TLN2: variants seen among roughly 807,000 people sequenced by gnomAD.
TLN2 encodes the protein talin-2.
TLN2 carries 118 observed loss-of-function variants against 294.7 expected under a neutral mutation model. That is an observed-to-expected ratio of 0.40 (90% confidence interval 0.34 to 0.47). The LOEUF (loss-of-function observed/expected upper bound fraction) is 0.47, where lower values mean the gene tolerates loss of function less well. TLN2 is among the 20% of genes least tolerant of loss of function. The probability of loss-of-function intolerance (pLI) is 0.84; values close to 1 mark genes in which losing one functional copy is unlikely to be tolerated. For synonymous variants in TLN2, 1,431 were observed against 1,304.5 expected (o/e 1.10, Z -2.09); for missense variants, 3,083 against 3,282.2 (o/e 0.94, Z 1.48).
In TLN2 at chr15:62,530,584, G is replaced by A. The variant is rs371659425; in HGVS notation, c.-237-59103G>A. On this transcript the variant is annotated intron_variant, in intron 1 of 58. Coordinates refer to ENST00000636159, the MANE Select transcript of TLN2 (RefSeq NM_015059.3). ...GTTGGCCAGGCTGGTCTCGAACTCC[G>A]GAGCTCATGATCTGCCTGCCTTGGC... Among the ~76,000 whole-genome samples the A allele has an allele frequency of 3.4e-4, 51 of 152,180 alleles. No individual in the cohort carries two copies. In the South Asian group the frequency reaches 1.0e-2, roughly 30 times the overall value.
chr15:62,789,010 T>C (rs2064894771), intron 45 of TLN2, among the ~76,000 whole-genome samples: 1 of 152,210 alleles, frequency 6.6e-6, no homozygotes, highest in South Asian at 2.1e-4. Context: ...TCCTTTCTGC[T>C]GCCCAAAGGG....
At chr15:62,479,827 G>A (rs563523271) in intron 1 of TLN2, among the ~76,000 whole-genome samples, 2 of 152,352 alleles carry the variant, frequency 1.3e-5, no homozygotes, top group East Asian at 3.9e-4. Context: ...GGCAGGGACT[G>A]TGCTTCATCC....
At chr15:62,662,863 G>A (rs1233894740) in intron 9 of TLN2, among the ~76,000 whole-genome samples, 9 of 91,602 alleles carry the variant, frequency 9.8e-5, no homozygotes, top group Admixed American at 5.1e-4. Flanking sequence ...TTGCTCTGTC[G>A]CCCAGGCTGG....
Position 62,718,531 on chromosome 15 carries a change from G to A in TLN2, c.2877+842G>A, listed in dbSNP as rs568902477. ...AGAAATGGCCTTTGCTTCTGATGGAGCCCTGTATTCCTGAATCTGGATTCT... is the reference window on the plus strand; with the variant it reads ...AGAAATGGCCTTTGCTTCTGATGGAACCCTGTATTCCTGAATCTGGATTCT... On this transcript the variant is annotated intron_variant, in intron 24 of 58. Transcript: ENST00000636159. Among the ~76,000 whole-genome samples, 3 of 152,310 alleles carry A rather than the reference G, an allele frequency of 2.0e-5. No homozygotes were observed. The East Asian group carries it at 5.8e-4, about 29-fold the overall frequency.
chr15:62,411,160 A>C (rs1375494320), intron 1 of TLN2, among the ~76,000 whole-genome samples: 1 of 152,196 alleles, frequency 6.6e-6, no homozygotes, highest in African/African-American at 2.4e-5. Context: ...CGAGGCATTA[A>C]AACAAACCAA....
Position 62,545,505 on chromosome 15 carries a change from T to C in TLN2, c.-237-44182T>C, listed in dbSNP as rs1014647137. On this transcript the variant is annotated intron_variant, in intron 1 of 58. Transcript: ENST00000636159. The stretch of plus-strand genomic sequence containing the variant: ...AGTGTCTCTTGAATCCAACTCTCTT[T>C]CTTTCTCTTTGTGTGTGTGTGTGTG... Among the ~76,000 whole-genome samples, 6 of 149,988 alleles carry C rather than the reference T, an allele frequency of 4.0e-5. No individual in the cohort carries two copies. The East Asian group carries it at 1.2e-3, about 29-fold the overall frequency.
chr15:62,749,011 C>G (rs1295654109), intron 33 of TLN2, among the ~76,000 whole-genome samples: 1 of 152,230 alleles, frequency 6.6e-6, no homozygotes, highest in Non-Finnish European at 1.5e-5. Context: ...CTCATTTATA[C>G]TTGAAAAGTT....
intron 1 of TLN2, among the ~76,000 whole-genome samples, chr15:62,452,604 C>T (rs531548634): frequency 3.0e-4 from 45 of 152,230 alleles, no homozygotes; most frequent in African/African-American, 1.1e-3. Context: ...GCTTATCCTC[C>T]TTCCCTCCAG....
At chr15:62,523,197 G>A (rs1382977430) in intron 1 of TLN2, among the ~76,000 whole-genome samples, 1 of 152,152 alleles carries the variant, frequency 6.6e-6, no homozygotes, top group Non-Finnish European at 1.5e-5. Context: ...CAGCAACAAG[G>A]GGAGATAAAT....
At chr15:62,470,309 G>C (rs2037395366) in intron 1 of TLN2, among the ~76,000 whole-genome samples, 1 of 152,228 alleles carries the variant, frequency 6.6e-6, no homozygotes, top group Non-Finnish European at 1.5e-5. Flanking sequence ...ACCGACCCGG[G>C]CTCCTCAGCC....
intron 4 of TLN2, 54 bp from the exon 5 acceptor site, chr15:62,650,030 G>A (rs1237342646): frequency 6.3e-7 from 1 of 1,579,268 alleles, no homozygotes; most frequent in Non-Finnish European, 8.7e-7. Context: ...CTGGAAGTCA[G>A]TGATGGCTTC....
At chr15:62,447,848 C>G (rs191258882) in intron 1 of TLN2, among the ~76,000 whole-genome samples, 214 of 152,318 alleles carry the variant, frequency 1.4e-3, no homozygotes, top group Non-Finnish European at 4.0e-4. Context: ...CCCACTCACT[C>G]TTGTGCATTT....
intron 1 of TLN2, among the ~76,000 whole-genome samples, chr15:62,580,055 C>T (rs2140683001): frequency 6.6e-6 from 1 of 152,340 alleles, no homozygotes. Context: ...TGTCACTCTA[C>T]ACCTCTCCCA....
chr15:62,399,574 G>A (rs757275399), intron 1 of TLN2, among the ~76,000 whole-genome samples: 3 of 152,248 alleles, frequency 2.0e-5, no homozygotes, highest in South Asian at 4.1e-4. Context: ...CCACAGGGGC[G>A]AAGCTGTCCA....
At chr15:62,555,620 T>C (rs2042560534) in intron 1 of TLN2, among the ~76,000 whole-genome samples, 1 of 152,248 alleles carries the variant, frequency 6.6e-6, no homozygotes, top group Non-Finnish European at 1.5e-5. Flanking sequence ...TCTGGTAGTT[T>C]TAAAAATATT....
At position 62,591,742 on chromosome 15, in the gene TLN2, T is replaced by C. The variant is rs147522960; in HGVS notation, c.-162+1980T>C. ...GAATACTGGACTCCAAGGAGACCAG[T>C]GCATACCTTGGGTGTGAGGAGCTCC... On this transcript the variant is annotated intron_variant, in intron 2 of 58. Coordinates refer to ENST00000636159, the MANE Select transcript of TLN2 (RefSeq NM_015059.3). 5.3e-5 allele frequency among the ~76,000 whole-genome samples: 8 copies of C among 152,156 alleles called. No individual in the cohort carries two copies. In the East Asian group the frequency reaches 1.5e-3, roughly 29 times the overall value.
chr15:62,589,192 G>T (rs752901646), intron 1 of TLN2, among the ~76,000 whole-genome samples: 18 of 152,118 alleles, frequency 1.2e-4, no homozygotes, highest in Admixed American at 2.6e-4. Context: ...GGGTTTCCAT[G>T]GAGCAAGTTC....
intron 1 of TLN2, among the ~76,000 whole-genome samples, chr15:62,428,024 A>G (rs950620817): frequency 6.6e-6 from 1 of 152,224 alleles, no homozygotes; most frequent in Non-Finnish European, 1.5e-5. Context: ...GTGGGAGAAG[A>G]CATCAAGACC....
intron 21 of TLN2, among the ~76,000 whole-genome samples, chr15:62,711,661 C>T (rs978354618): frequency 6.6e-6 from 1 of 152,238 alleles, no homozygotes; most frequent in African/African-American, 2.4e-5. Flanking sequence ...TTGGCTGCTT[C>T]TGTTCTGATT....
Sources: gnomAD v4.1 joint callset for allele counts (sites outside exome capture counted in the v4.1 genomes callset) on GRCh38, gnomAD v4.1.1 for gene constraint, MANE v1.5 for transcripts, NCBI Gene and HGNC (gene_info 2026-07-23, HGNC 2026-07-21) for gene names.